COL21A1: variants seen among roughly 807,000 people sequenced by gnomAD.
COL21A1 encodes collagen alpha-1(XXI) chain.
COL21A1 carries 149 observed loss-of-function variants against 137.9 expected under a neutral mutation model. The observed-to-expected ratio is 1.08, with a 90% CI of 0.95 to 1.24. The LOEUF is 1.24. Ranked by LOEUF, COL21A1 falls within the 50% of genes most tolerant of loss-of-function variation. COL21A1 has a pLI of 0.00. For missense variants in COL21A1, 1,167 were observed against 1,158.4 expected, an observed-to-expected ratio of 1.01 and a Z score of -0.11; for synonymous variants, 456 against 391.5, an observed-to-expected ratio of 1.16 and a Z score of -1.95.
chr6:56,326,397 A>G (rs1263411442), intron 1 of COL21A1, among the ~76,000 whole-genome samples: 2 of 151,868 alleles, frequency 1.3e-5, no homozygotes, highest in East Asian at 1.9e-4. Flanking sequence ...GTATTGAGTT[A>G]GAAGCAAAAG....
intron 1 of COL21A1, among the ~76,000 whole-genome samples, chr6:56,289,627 T>C (rs140713184): frequency 5.9e-5 from 9 of 152,264 alleles, no homozygotes; most frequent in African/African-American, 2.2e-4. Flanking sequence ...ACCATACTCT[T>C]AGAATGACCC....
intron 1 of COL21A1, among the ~76,000 whole-genome samples, chr6:56,379,564 C>T (rs190649750): frequency 6.6e-6 from 1 of 152,256 alleles, no homozygotes; most frequent in Admixed American, 6.5e-5. Flanking sequence ...ATACTGCATA[C>T]TCTCTTCTAC....
chr6:56,318,803 A>G (rs537593937), intron 1 of COL21A1, among the ~76,000 whole-genome samples: 4 of 152,256 alleles, frequency 2.6e-5, no homozygotes, highest in Admixed American at 2.0e-4. Flanking sequence ...AAAGAAGTAT[A>G]TGTCTAGTAT....
intron 1 of COL21A1, among the ~76,000 whole-genome samples, chr6:56,200,674 G>A (rs965642548): frequency 7.9e-5 from 12 of 151,938 alleles, no homozygotes; most frequent in African/African-American, 2.7e-4. Context: ...TGGTGTATAT[G>A]TGCCACATTT....
chr6:56,337,727 T>C (rs1322910299), intron 1 of COL21A1, among the ~76,000 whole-genome samples: 1 of 152,236 alleles, frequency 6.6e-6, no homozygotes, highest in Non-Finnish European at 1.5e-5. Context: ...AAAGCTTTCC[T>C]TTCTCTTCAT....
In COL21A1 at chr6:56,153,581, C is replaced by A. The variant is rs887690066; in HGVS notation, c.1434+3306G>T. The stretch of plus-strand genomic sequence containing the variant: ...AAAAAAAAAAATCTACATTCACTTT[C>A]ACCATTTTTCTTATCTCCCTCTCTG... On this transcript the variant is annotated intron_variant, in intron 10 of 29. Coordinates refer to ENST00000244728, the MANE Select transcript of COL21A1 (RefSeq NM_030820.4). Among the ~76,000 whole-genome samples, 7 of 151,958 alleles carry A rather than the reference C, an allele frequency of 4.6e-5. No individual in the cohort carries two copies. In the South Asian group the frequency reaches 1.2e-3, roughly 27 times the overall value.
chr6:56,251,798 T>G (rs938136152), upstream of COL21A1, among the ~76,000 whole-genome samples: 2 of 152,180 alleles, frequency 1.3e-5, no homozygotes, highest in African/African-American at 4.8e-5. Flanking sequence ...GGAAGGGTTA[T>G]CCCAAGAAAA....
chr6:56,154,101 G>C (rs1775544231), intron 10 of COL21A1, among the ~76,000 whole-genome samples: 1 of 152,118 alleles, frequency 6.6e-6, no homozygotes, highest in South Asian at 2.1e-4. Flanking sequence ...GAGGTAGTTA[G>C]GTCATGGAGA....
chr6:56,192,915 C>A (rs1394220571), intron 1 of COL21A1, among the ~76,000 whole-genome samples: 1 of 152,108 alleles, frequency 6.6e-6, no homozygotes, highest in Non-Finnish European at 1.5e-5. Context: ...TGCAACCAAC[C>A]CAAATGTCCA....
chr6:56,334,130 A>G (rs778417326), intron 1 of COL21A1, among the ~76,000 whole-genome samples: 1 of 152,042 alleles, frequency 6.6e-6, no homozygotes, highest in African/African-American at 2.4e-5. Context: ...TTCCATGACT[A>G]CTCAACAGAA....
At chr6:56,277,687 A>T (rs1298505846) in intron 1 of COL21A1, among the ~76,000 whole-genome samples, 1 of 152,252 alleles carries the variant, frequency 6.6e-6, no homozygotes, top group African/African-American at 2.4e-5. Context: ...AGAAATCCAC[A>T]TATTTTAAAT....
At chr6:56,150,602 G>A (rs1561920477) in intron 10 of COL21A1, among the ~76,000 whole-genome samples, 1 of 151,652 alleles carries the variant, frequency 6.6e-6, no homozygotes, top group Non-Finnish European at 1.5e-5. Flanking sequence ...CTGTGACCCA[G>A]TGACCAATCC....
chr6:56,199,764 C>G (rs558186034), intron 1 of COL21A1, among the ~76,000 whole-genome samples: 1 of 152,242 alleles, frequency 6.6e-6, no homozygotes, highest in East Asian at 1.9e-4. Context: ...TTTGCTGACC[C>G]CAGAATCCTT....
At chr6:56,336,868 G>A (rs938291442) in intron 1 of COL21A1, among the ~76,000 whole-genome samples, 4 of 152,174 alleles carry the variant, frequency 2.6e-5, no homozygotes, top group Non-Finnish European at 5.9e-5. Context: ...GTACTGTCTA[G>A]CCCAAAACAA....
intron 1 of COL21A1, among the ~76,000 whole-genome samples, chr6:56,388,951 GA>G (rs756533120): frequency 2.6e-5 from 4 of 152,124 alleles, no homozygotes; most frequent in Non-Finnish European, 4.4e-5. Flanking sequence ...CAAACAACAA[GA>G]AATCCTGGAG....
intron 10 of COL21A1, among the ~76,000 whole-genome samples, chr6:56,152,973 G>C (rs372141468): frequency 7.2e-5 from 11 of 152,224 alleles, no homozygotes; most frequent in African/African-American, 2.6e-4. Flanking sequence ...AGCTCACCCA[G>C]TGTAATTAGG....
At chr6:56,284,143 G>A (rs1763849813) in intron 1 of COL21A1, among the ~76,000 whole-genome samples, 1 of 152,124 alleles carries the variant, frequency 6.6e-6, no homozygotes. Flanking sequence ...CACCTCCTGG[G>A]TTCAAGGGAT....
intron 16 of COL21A1, among the ~76,000 whole-genome samples, chr6:56,103,059 A>G (rs1313163135): frequency 6.6e-6 from 1 of 152,210 alleles, no homozygotes; most frequent in African/African-American, 2.4e-5. Flanking sequence ...GCAATATTTT[A>G]TCTGAACTTA....
chr6:56,090,673 T>C (rs970979077), intron 17 of COL21A1, among the ~76,000 whole-genome samples: 2 of 152,102 alleles, frequency 1.3e-5, no homozygotes, highest in African/African-American at 2.4e-5. Context: ...ACATAATTAC[T>C]ATGACAATAA....
Sources: allele counts gnomAD v4.1 joint callset (sites outside exome capture counted in the v4.1 genomes callset), GRCh38; gene constraint gnomAD v4.1.1; transcripts MANE v1.5; gene names NCBI Gene and HGNC (gene_info 2026-07-23, HGNC 2026-07-21).